The following FLT1 variants were observed in gnomAD, a reference collection of about 807,000 sequenced individuals.
The protein encoded by FLT1 is vascular endothelial growth factor receptor 1.
Under a neutral mutation model 156.3 loss-of-function variants are expected in FLT1, and 49 were observed. The ratio of observed to expected loss-of-function variants is 0.31; its 90% CI spans 0.25 to 0.40. The LOEUF (loss-of-function observed/expected upper bound fraction) is 0.40, where lower values mean the gene tolerates loss of function less well. Ranked by LOEUF, FLT1 falls within the 10% of genes least tolerant of loss-of-function variation. The pLI is 1.00. For missense variants in FLT1, 1,322 were observed against 1,637.2 expected, an observed-to-expected ratio of 0.81 and a Z score of 3.32; for synonymous variants, 594 against 583.8, an observed-to-expected ratio of 1.02 and a Z score of -0.25.
chr13:28,360,614 C>T (rs1593708009), intron 14 of FLT1, among the ~76,000 whole-genome samples: 1 of 152,114 alleles, frequency 6.6e-6, no homozygotes, highest in East Asian at 1.9e-4. Flanking sequence ...CATGATTTCA[C>T]TTATATGTGG....
intron 14 of FLT1, among the ~76,000 whole-genome samples, chr13:28,371,004 T>C (rs1033196551): frequency 6.6e-6 from 1 of 152,224 alleles, no homozygotes; most frequent in African/African-American, 2.4e-5. Flanking sequence ...GTTACATAAG[T>C]TATGGGAATA....
intron 15 of FLT1, 131 bp downstream of exon 15, chr13:28,357,423 A>G (rs879186431): frequency 1.6e-3 from 1,373 of 863,422 alleles, no homozygotes; most frequent in East Asian, 3.9e-3. Flanking sequence ...AGTGGCAGGG[A>G]GAGGGGAGAA....
At chr13:28,457,933 C>CTTT (rs894090277) in intron 3 of FLT1, among the ~76,000 whole-genome samples, 3,332 of 114,084 alleles carry the variant, frequency 0.029, 172 homozygotes, top group African/African-American at 0.086. Flanking sequence ...CTTTCCTTTT[C>CTTT]TTTTTTTTTT....
At chr13:28,372,074 A>AT (rs1290920015) in intron 14 of FLT1, among the ~76,000 whole-genome samples, 15 of 14,170 alleles carry the variant, frequency 1.1e-3, no homozygotes, top group South Asian at 3.2e-3. Flanking sequence ...ATATATATAT[A>AT]TATTTTTTTT....
rs1298635923 is a variant in FLT1 at position 28,386,029 on chromosome 13, G to GAAATCAA, written c.1970-1005_1970-999dup. The GAAATCAA allele has an allele frequency of 4.8e-6, 5 of 1,052,506 alleles. No homozygotes were observed. In the African/African-American group the frequency reaches 8.3e-5, roughly 17 times the overall value. 65.2% of individuals were successfully genotyped at this position (1,052,506 alleles called of 1,614,324 possible). On this transcript the variant is annotated intron_variant, in intron 13 of 29. Transcript: ENST00000282397. ...CCCTCTTGTTGGAAATCCTGGAACAGAAATCAAAAGAGTTTTGGCATAACT... is the reference window on the plus strand; with the variant it reads ...CCCTCTTGTTGGAAATCCTGGAACAGAAATCAAAAATCAAAAGAGTTTTGGCATAACT...
intron 11 of FLT1, among the ~76,000 whole-genome samples, chr13:28,401,356 A>G (rs745873089): frequency 6.6e-6 from 1 of 152,210 alleles, no homozygotes; most frequent in Non-Finnish European, 1.5e-5. Flanking sequence ...AGATCCTTCA[A>G]GCCCATTCTC....
intron 10 of FLT1, among the ~76,000 whole-genome samples, chr13:28,409,435 A>G (rs1876009562): frequency 6.6e-6 from 1 of 151,842 alleles, no homozygotes; most frequent in Admixed American, 6.6e-5. Flanking sequence ...CCTGGGCTCA[A>G]CTGACCCTCC....
chr13:28,315,697 G>A (rs1214855283), intron 25 of FLT1, among the ~76,000 whole-genome samples: 1 of 152,092 alleles, frequency 6.6e-6, no homozygotes, highest in East Asian at 1.9e-4. Context: ...ACAACTATTA[G>A]TGTAATTGAG....
At chr13:28,426,602 G>A (rs1877354886) in intron 10 of FLT1, among the ~76,000 whole-genome samples, 1 of 152,198 alleles carries the variant, frequency 6.6e-6, no homozygotes, top group Non-Finnish European at 1.5e-5. Flanking sequence ...ATGAGGCAGT[G>A]AGGAGAGTTC....
At chr13:28,336,297 G>C (rs1216036118) in intron 17 of FLT1, among the ~76,000 whole-genome samples, 1 of 152,170 alleles carries the variant, frequency 6.6e-6, no homozygotes, top group African/African-American at 2.4e-5. Flanking sequence ...TCATAAAACA[G>C]CATGAAGCTG....
At chr13:28,434,797 C>T (rs886097759) in intron 4 of FLT1, among the ~76,000 whole-genome samples, 7 of 152,124 alleles carry the variant, frequency 4.6e-5, no homozygotes, top group African/African-American at 9.7e-5. Context: ...GCAGGAGAAT[C>T]GCTTGAACCC....
intron 3 of FLT1, among the ~76,000 whole-genome samples, chr13:28,449,997 A>C (rs369735550): frequency 4.6e-4 from 28 of 60,254 alleles, no homozygotes; most frequent in African/African-American, 1.9e-3. Flanking sequence ...GCAGGGGATC[A>C]GGAAAACCGA....
intron 13 of FLT1, chr13:28,387,942 C>A (rs528274440): frequency 2.0e-5 from 21 of 1,061,194 alleles, no homozygotes; most frequent in Middle Eastern, 4.2e-4. Flanking sequence ...CCCCTCCCCA[C>A]AAAAATTGCA....
At chr13:28,378,454 T>A (rs1355277469) in intron 14 of FLT1, among the ~76,000 whole-genome samples, 3 of 152,242 alleles carry the variant, frequency 2.0e-5, no homozygotes, top group African/African-American at 7.2e-5. Context: ...TGTTCTCTTG[T>A]GAGTGAGGTG....
At chr13:28,326,487 T>C (rs1490086956) in intron 20 of FLT1, among the ~76,000 whole-genome samples, 1 of 151,342 alleles carries the variant, frequency 6.6e-6, no homozygotes, top group East Asian at 1.9e-4. Flanking sequence ...TTTTAGTAAA[T>C]TATTTCTCCT....
At chr13:28,380,742 G>A (rs1394992084) in intron 14 of FLT1, among the ~76,000 whole-genome samples, 2 of 152,124 alleles carry the variant, frequency 1.3e-5, no homozygotes, top group African/African-American at 4.8e-5. Flanking sequence ...TGACATTTGA[G>A]CTTATTAATT....
At chr13:28,482,904 A>C (rs1880943003) in intron 1 of FLT1, among the ~76,000 whole-genome samples, 1 of 152,214 alleles carries the variant, frequency 6.6e-6, no homozygotes, top group South Asian at 2.1e-4. Flanking sequence ...CCAGTTTTGA[A>C]GACAGAGGAT....
Position 28,462,762 on chromosome 13 carries a change from C to T in FLT1, c.388+4141G>A, listed in dbSNP as rs663193. On this transcript the variant is annotated intron_variant, in intron 3 of 29. Transcript: ENST00000282397. ...TTCCCTCAGCCACTCAACCTCTGATCACCAAGGCCAACGAATCCCCCAATT... is the reference window on the plus strand; with the variant it reads ...TTCCCTCAGCCACTCAACCTCTGATTACCAAGGCCAACGAATCCCCCAATT... 4.8e-3 allele frequency among the ~76,000 whole-genome samples: 732 copies of T among 152,282 alleles called. 9 individuals are homozygous for T. The highest frequency in any genetic ancestry group is 0.017 in the African/African-American group (696 of 41,556).
chr13:28,447,616 A>C (rs1278889037), intron 3 of FLT1, among the ~76,000 whole-genome samples: 1 of 152,130 alleles, frequency 6.6e-6, no homozygotes, highest in Non-Finnish European at 1.5e-5. Flanking sequence ...TTAAAATTTG[A>C]AACTTGCATG....
Sources: allele counts gnomAD v4.1 joint callset (sites outside exome capture counted in the v4.1 genomes callset), GRCh38; gene constraint gnomAD v4.1.1; transcripts MANE v1.5; gene names NCBI Gene and HGNC (gene_info 2026-07-23, HGNC 2026-07-21).